The following COL26A1 variants were observed in gnomAD, a reference collection of about 807,000 sequenced individuals.
COL26A1 encodes the protein collagen alpha-1(XXVI) chain.
A neutral mutation model predicts 59.3 loss-of-function variants in COL26A1; 41 were observed. That is an observed-to-expected ratio of 0.69 (90% CI 0.54 to 0.90). COL26A1 has a LOEUF of 0.90. Ranked by LOEUF, COL26A1 falls within the 40% of genes least tolerant of loss-of-function variation. The probability of loss-of-function intolerance (pLI) is 0.00; values close to 1 mark genes in which losing one functional copy is unlikely to be tolerated. For synonymous variants in COL26A1, 266 were observed against 256.0 expected (o/e 1.04, Z -0.37); for missense variants, 612 against 602.3 (o/e 1.02, Z -0.17).
At chr7:101,539,260 C>T (rs1342027920) in intron 4 of COL26A1, among the ~76,000 whole-genome samples, 5 of 151,688 alleles carry the variant, frequency 3.3e-5, no homozygotes, top group Non-Finnish European at 7.4e-5. Context: ...CCCTCCCTTT[C>T]TTCCCTTCCT....
At chr7:101,540,187 T>C (rs1009481523) in intron 5 of COL26A1, 138 bp downstream of exon 5, 5 of 915,640 alleles carry the variant, frequency 5.5e-6, no homozygotes, top group Admixed American at 6.5e-5. Flanking sequence ...AAAATTAAGC[T>C]AACAGTTGAA....
At chr7:101,551,184 GCAGA>G in intron 10 of COL26A1, 41 bp downstream of exon 10, 2 of 1,402,222 alleles carry the variant, frequency 1.4e-6, no homozygotes, top group Non-Finnish European at 9.5e-7. Flanking sequence ...CCACTCCCAG[GCAGA>G]GGCTCTGATG....
At chr7:101,550,960 T>C in intron 9 of COL26A1, 148 bp from the exon 10 acceptor site, 1 of 847,618 alleles carries the variant, frequency 1.2e-6, no homozygotes, top group Non-Finnish European at 1.9e-6. Context: ...CCTTTGAGTC[T>C]GCCCTTCCCG....
At chr7:101,371,288 C>T (rs970502542) in intron 1 of COL26A1, among the ~76,000 whole-genome samples, 2 of 152,162 alleles carry the variant, frequency 1.3e-5, no homozygotes, top group Non-Finnish European at 2.9e-5. Flanking sequence ...CTTGTCCCTC[C>T]GACTGGATTG....
chr7:101,474,417 C>G (rs1030375236), intron 3 of COL26A1, among the ~76,000 whole-genome samples: 6 of 131,564 alleles, frequency 4.6e-5, no homozygotes, highest in African/African-American at 2.0e-4. Context: ...GGCAATATAG[C>G]AAGACCCCAT....
At chr7:101,441,879 T>C (rs1260899182) in intron 2 of COL26A1, among the ~76,000 whole-genome samples, 1 of 152,204 alleles carries the variant, frequency 6.6e-6, no homozygotes, top group African/African-American at 2.4e-5. Flanking sequence ...GCACCCCTCC[T>C]GCACTCACAG....
chr7:101,516,752 G>A (rs962766262), intron 3 of COL26A1, among the ~76,000 whole-genome samples: 1 of 152,244 alleles, frequency 6.6e-6, no homozygotes, highest in African/African-American at 2.4e-5. Flanking sequence ...ACAGCGTGTC[G>A]GGGGCAGGGC....
At chr7:101,385,069 C>G (rs959058784) in intron 1 of COL26A1, among the ~76,000 whole-genome samples, 1 of 151,944 alleles carries the variant, frequency 6.6e-6, no homozygotes, top group African/African-American at 2.4e-5. Context: ...CGCTGGCAGC[C>G]GATTGAATGG....
intron 3 of COL26A1, among the ~76,000 whole-genome samples, chr7:101,511,421 T>G (rs898745982): frequency 3.3e-5 from 5 of 152,192 alleles, no homozygotes; most frequent in African/African-American, 9.7e-5. Flanking sequence ...GAACAAATCC[T>G]GATTCTCAAG....
At chr7:101,511,457 G>A (rs1469406424) in intron 3 of COL26A1, among the ~76,000 whole-genome samples, 1 of 152,204 alleles carries the variant, frequency 6.6e-6, no homozygotes. Context: ...GCTGGTCCAG[G>A]GGCTGAGCCC....
At chr7:101,405,449 C>G (rs972752382) in intron 1 of COL26A1, among the ~76,000 whole-genome samples, 2 of 151,970 alleles carry the variant, frequency 1.3e-5, no homozygotes, top group Non-Finnish European at 2.9e-5. Context: ...ATCCTCCCAC[C>G]TCAGCTCCCC....
intron 1 of COL26A1, among the ~76,000 whole-genome samples, chr7:101,369,038 G>C (rs139387652): frequency 6.6e-6 from 1 of 152,114 alleles, no homozygotes; most frequent in Non-Finnish European, 1.5e-5. Context: ...TTCTTACACA[G>C]AGGTAATATG....
At position 101,488,909 on chromosome 7, in the gene COL26A1, T is replaced by C. The variant is rs1218894437; in HGVS notation, c.385+41122T>C. On this transcript the variant is annotated intron_variant, in intron 3 of 12. Transcript: ENST00000313669. ...GCTCTGTAAAGTTGTGCAGTAATCA[T>C]GAGAATGGATTTTTGTCCACGTTCC... Among the ~76,000 whole-genome samples, 3 of 152,244 alleles carry C rather than the reference T, an allele frequency of 2.0e-5. No homozygotes were observed. In the South Asian group the frequency reaches 6.2e-4, roughly 32 times the overall value.
intron 1 of COL26A1, among the ~76,000 whole-genome samples, chr7:101,387,754 T>TTATATATA (rs1253686672): frequency 1.1e-5 from 1 of 95,080 alleles, no homozygotes; most frequent in Admixed American, 1.2e-4. Context: ...ATATATATAT[T>TTATATATA]TATATATATA....
At chr7:101,413,760 G>A (rs1792303073) in intron 1 of COL26A1, among the ~76,000 whole-genome samples, 1 of 152,098 alleles carries the variant, frequency 6.6e-6, no homozygotes, top group African/African-American at 2.4e-5. Flanking sequence ...GGAGGCTGCC[G>A]GGAGTGTGTT....
At chr7:101,506,675 C>T (rs1263580389) in intron 3 of COL26A1, among the ~76,000 whole-genome samples, 2 of 152,240 alleles carry the variant, frequency 1.3e-5, no homozygotes, top group Non-Finnish European at 2.9e-5. Flanking sequence ...ACTGTATTTG[C>T]TCCTTCTGAT....
In COL26A1 at chr7:101,526,594, C is replaced by A. The variant is rs115690572; in HGVS notation, c.386-6488C>A. On this transcript the variant is annotated intron_variant, in intron 3 of 12. Transcript: ENST00000313669. The stretch of plus-strand genomic sequence containing the variant: ...ACCAACTCCTGCCCTATCTGCAAAT[C>A]CCCTCTCAGGGCCCAGGCCTTGGGA... Among the ~76,000 whole-genome samples, 322 of 152,334 alleles carry A rather than the reference C, an allele frequency of 2.1e-3. 3 individuals carry two copies. Among genetic ancestry groups the A allele is most frequent in the African/African-American group, 7.6e-3 (318 of 41,576 alleles).
chr7:101,490,649 G>A (rs1197930358), intron 3 of COL26A1, among the ~76,000 whole-genome samples: 7 of 151,902 alleles, frequency 4.6e-5, no homozygotes, highest in Middle Eastern at 3.5e-3. Flanking sequence ...AACAGTGAGC[G>A]GAGATTGCAC....
intron 1 of COL26A1, among the ~76,000 whole-genome samples, chr7:101,413,938 G>A (rs899482505): frequency 7.9e-5 from 12 of 152,154 alleles, no homozygotes; most frequent in Non-Finnish European, 1.5e-4. Context: ...CTGTGCACCC[G>A]CCATAGTCAG....
Sources: gnomAD v4.1 joint callset for allele counts (sites outside exome capture counted in the v4.1 genomes callset) on GRCh38, gnomAD v4.1.1 for gene constraint, MANE v1.5 for transcripts, NCBI Gene and HGNC (gene_info 2026-07-23, HGNC 2026-07-21) for gene names.